HSD17B2: variants seen among roughly 807,000 people sequenced by gnomAD.
HSD17B2 encodes the protein hydroxysteroid 17-beta dehydrogenase 2, also known as 17-beta-hydroxysteroid dehydrogenase type 2.
Under a neutral mutation model 26.9 loss-of-function variants are expected in HSD17B2, and 32 were observed. That is an observed-to-expected ratio of 1.19 (90% CI 0.90 to 1.60). The LOEUF (loss-of-function observed/expected upper bound fraction) is 1.60, where lower values mean the gene tolerates loss of function less well. Among genes scored for constraint, HSD17B2 ranks in the 40% most tolerant of loss-of-function variants. The pLI, the probability that HSD17B2 is intolerant of heterozygous loss-of-function variation, is 0.00. For synonymous variants in HSD17B2, 246 were observed against 186.7 expected (o/e 1.32, Z -2.59); for missense variants, 613 against 468.6 (o/e 1.31, Z -2.85).
intron 1 of HSD17B2, among the ~76,000 whole-genome samples, chr16:82,037,499 T>C (rs1486574195): frequency 1.3e-5 from 2 of 152,130 alleles, no homozygotes. Flanking sequence ...CAAAGAAAAA[T>C]GTGGCAGTGT....
intron 3 of HSD17B2, among the ~76,000 whole-genome samples, chr16:82,073,984 G>T (rs1914756170): frequency 6.6e-6 from 1 of 152,098 alleles, no homozygotes; most frequent in South Asian, 2.1e-4. Flanking sequence ...AAAACAGCAT[G>T]GTCCTGTACA....
At chr16:82,050,616 G>A (rs1350541833) in intron 1 of HSD17B2, among the ~76,000 whole-genome samples, 1 of 152,030 alleles carries the variant, frequency 6.6e-6, no homozygotes, top group Admixed American at 6.6e-5. Context: ...AGGCCCTGTG[G>A]AATCCGAGCC....
At chr16:82,045,358 G>C (rs943882351) in intron 1 of HSD17B2, among the ~76,000 whole-genome samples, 1 of 151,856 alleles carries the variant, frequency 6.6e-6, no homozygotes, top group African/African-American at 2.4e-5. Flanking sequence ...CTACTCACTA[G>C]TTCTGCACTC....
At chr16:82,097,638 A>G (rs1195938354) in intron 4 of HSD17B2, 3 of 152,168 alleles carry the variant, frequency 2.0e-5, no homozygotes, top group African/African-American at 4.8e-5. Flanking sequence ...TAAAGCACAC[A>G]TTTTAAAAGG....
intron 3 of HSD17B2, among the ~76,000 whole-genome samples, chr16:82,088,159 G>T (rs1007160133): frequency 6.6e-6 from 1 of 152,158 alleles, no homozygotes; most frequent in Non-Finnish European, 1.5e-5. Context: ...GATTCAGTGG[G>T]TCCAGGGTGG....
intron 1 of HSD17B2, among the ~76,000 whole-genome samples, chr16:82,063,823 G>A (rs1227255675): frequency 6.6e-6 from 1 of 152,046 alleles, no homozygotes. Flanking sequence ...AGGACCTGGG[G>A]AAAGGAGAGA....
chr16:82,072,539 C>T (rs1914720793), intron 3 of HSD17B2, among the ~76,000 whole-genome samples: 1 of 152,174 alleles, frequency 6.6e-6, no homozygotes. Flanking sequence ...CTGCCTCCTC[C>T]TTGGCACACT....
intron 3 of HSD17B2, among the ~76,000 whole-genome samples, chr16:82,075,824 T>A (rs1904298007): frequency 6.6e-6 from 1 of 150,746 alleles, no homozygotes; most frequent in African/African-American, 2.4e-5. Flanking sequence ...TCGAGTATTC[T>A]GAAAAATAAT....
chr16:82,070,959 A>C lies in HSD17B2; in HGVS notation c.496A>C (p.Asn166His). The C allele has an allele frequency of 6.2e-7, 1 of 1,613,740 alleles. No homozygotes were observed. The highest frequency in any genetic ancestry group is 8.5e-7 in the Non-Finnish European group (1 of 1,179,696). ...GTCTCCAGGACTGTGGGCTGTGATC[A>C]ACAATGCTGGGGTGCTTGGCTTTCC... ...LQDRGLWAVI[N>H]NAGVLGFPTD... Residue 166 changes from asparagine (N) to histidine (H), a missense_variant, in exon 3 of 5, where the codon AAC (asparagine) becomes CAC (histidine). Coordinates refer to ENST00000199936, the MANE Select transcript of HSD17B2 (RefSeq NM_002153.3).
intron 1 of HSD17B2, among the ~76,000 whole-genome samples, chr16:82,036,199 G>C (rs1232771039): frequency 1.3e-5 from 2 of 152,092 alleles, no homozygotes; most frequent in African/African-American, 4.8e-5. Flanking sequence ...CTGCTGTCAA[G>C]AACCTTGTGT....
At chr16:82,042,838 C>T (rs1164462886) in intron 1 of HSD17B2, among the ~76,000 whole-genome samples, 2 of 152,102 alleles carry the variant, frequency 1.3e-5, no homozygotes, top group African/African-American at 4.8e-5. Context: ...CCAGGCTGGT[C>T]TCGAACTCCT....
At chr16:82,072,369 A>G (rs1360422067) in intron 3 of HSD17B2, among the ~76,000 whole-genome samples, 1 of 152,228 alleles carries the variant, frequency 6.6e-6, no homozygotes, top group East Asian at 1.9e-4. Context: ...ACACACAGCA[A>G]TATTTTCCTA....
Position 82,068,356 on chromosome 16 carries a change from A to T in HSD17B2, c.452A>T (p.Lys151Met), listed in dbSNP as rs559366580. 1.9e-6 allele frequency: 3 copies of T among 1,613,252 alleles called. No homozygotes were observed. The highest frequency in any genetic ancestry group is 2.5e-6 in the Non-Finnish European group (3 of 1,179,860). ...GTGCAGATAAAAGATGCTTACAGCA[A>T]GGTTGCAGCAATGCTGCAGGACAGA... ...KPVQIKDAYS[K>M]VAAMLQDRGL... Residue 151 changes from lysine (K) to methionine (M), a missense_variant, in exon 2 of 5, where the codon AAG becomes ATG. Physicochemically the swap from Lys to Met is moderately conservative, Grantham distance 95 (BLOSUM62 -1). Transcript: ENST00000199936.
intron 3 of HSD17B2, among the ~76,000 whole-genome samples, chr16:82,080,268 A>G (rs1410543685): frequency 6.6e-6 from 1 of 152,222 alleles, no homozygotes; most frequent in African/African-American, 2.4e-5. Context: ...TGAGCCTGTT[A>G]CCTCACGTGG....
chr16:82,036,913 G>C (rs1287885992), intron 1 of HSD17B2, among the ~76,000 whole-genome samples: 1 of 152,120 alleles, frequency 6.6e-6, no homozygotes, highest in African/African-American at 2.4e-5. Flanking sequence ...CCTGTTCTGT[G>C]TCCTGTTCTG....
chr16:82,091,529 G>A (rs1037157841), intron 4 of HSD17B2: 2 of 169,948 alleles, frequency 1.2e-5, no homozygotes, highest in African/African-American at 4.8e-5. Flanking sequence ...TTCTTTTTTA[G>A]TAAGTATTTC....
rs201379550 is a variant in HSD17B2, at chr16:82,098,240, G to T, written c.968G>T (p.Arg323Leu). The part of the protein sequence containing the change: ...LASKDFSPVL[R>L]DIQHAILAKS... ...AGCAAGGACTTCTCTCCGGTGCTGC[G>T]GGACATCCAGCATGCTATCTTGGCG... The change falls in exon 5 of 5, where the codon CGG becomes CTG. Residue 323 changes from arginine (R) to leucine (L), a missense_variant. Coordinates refer to ENST00000199936, the MANE Select transcript of HSD17B2 (RefSeq NM_002153.3). The T allele has an allele frequency of 6.2e-7, 1 of 1,614,210 alleles. No individual in the cohort carries two copies. The highest frequency in any genetic ancestry group is 8.5e-7 in the Non-Finnish European group (1 of 1,180,026).
At chr16:82,049,872 C>T (rs1399069291) in intron 1 of HSD17B2, among the ~76,000 whole-genome samples, 1 of 152,248 alleles carries the variant, frequency 6.6e-6, no homozygotes, top group Non-Finnish European at 1.5e-5. Flanking sequence ...GGGCTGCATG[C>T]ATACAGAGAA....
chr16:82,079,214 C>T (rs1031257258), intron 3 of HSD17B2, among the ~76,000 whole-genome samples: 17 of 152,082 alleles, frequency 1.1e-4, no homozygotes, highest in African/African-American at 3.6e-4. Context: ...CTGAAATGAT[C>T]GATTTTCCTC....
Sources: gnomAD v4.1 joint callset for allele counts (sites outside exome capture counted in the v4.1 genomes callset) on GRCh38, gnomAD v4.1.1 for gene constraint, MANE v1.5 for transcripts, NCBI Gene and HGNC (gene_info 2026-07-23, HGNC 2026-07-21) for gene names.